Variants in PIK3CB observed in about 807,000 individuals in gnomAD.
PIK3CB encodes the protein phosphatidylinositol-4,5-bisphosphate 3-kinase catalytic subunit beta.
Under a neutral mutation model 136.8 loss-of-function variants are expected in PIK3CB, and 39 were observed. That is an observed-to-expected ratio of 0.29 (90% CI 0.22 to 0.37). The LOEUF is 0.37. Among genes scored for constraint, PIK3CB ranks in the 10% least tolerant of loss-of-function variants. PIK3CB has a pLI of 1.00. For missense variants in PIK3CB, 868 were observed against 1,275.4 expected (o/e 0.68, Z 4.87); for synonymous variants, 428 against 436.6 (o/e 0.98, Z 0.25).
intron 1 of PIK3CB, among the ~76,000 whole-genome samples, chr3:138,818,209 A>G (rs1933417466): frequency 6.6e-6 from 1 of 152,162 alleles, no homozygotes; most frequent in Non-Finnish European, 1.5e-5. Flanking sequence ...TCCTGACTTC[A>G]TGACTCCCTA....
chr3:138,708,119 C>T (rs1559831052), intron 10 of PIK3CB, among the ~76,000 whole-genome samples: 1 of 152,118 alleles, frequency 6.6e-6, no homozygotes, highest in African/African-American at 2.4e-5. Flanking sequence ...ATCAGCTCTA[C>T]TCTAATTAGG....
intron 1 of PIK3CB, among the ~76,000 whole-genome samples, chr3:138,821,446 G>C (rs894990245): frequency 1.3e-5 from 2 of 151,838 alleles, no homozygotes; most frequent in Non-Finnish European, 2.9e-5. Context: ...GACAATACTT[G>C]TGAGCAAAAT....
At chr3:138,803,669 T>C (rs1370782980) in intron 1 of PIK3CB, among the ~76,000 whole-genome samples, 1 of 152,122 alleles carries the variant, frequency 6.6e-6, no homozygotes, top group Non-Finnish European at 1.5e-5. Context: ...AAAGAAGCTC[T>C]TGGAAGAGGC....
intron 21 of PIK3CB, among the ~76,000 whole-genome samples, chr3:138,660,943 C>T (rs2043284800): frequency 6.6e-6 from 1 of 152,088 alleles, no homozygotes; most frequent in African/African-American, 2.4e-5. Context: ...GGTGGACTTC[C>T]TTGTATAGAA....
intron 2 of PIK3CB, among the ~76,000 whole-genome samples, chr3:138,765,460 C>T (rs1482720849): frequency 2.6e-5 from 4 of 151,960 alleles, no homozygotes; most frequent in African/African-American, 7.3e-5. Flanking sequence ...AAACAGCCTC[C>T]GCAAGTGATA....
At chr3:138,800,707 C>G (rs1343690676) in intron 1 of PIK3CB, among the ~76,000 whole-genome samples, 2 of 152,158 alleles carry the variant, frequency 1.3e-5, no homozygotes, top group African/African-American at 4.8e-5. Flanking sequence ...TCACTGCAAC[C>G]TCTATCTTCC....
intron 4 of PIK3CB, among the ~76,000 whole-genome samples, chr3:138,754,092 T>C (rs919203450): frequency 6.6e-6 from 1 of 152,210 alleles, no homozygotes; most frequent in South Asian, 2.1e-4. Context: ...TCCTCTTCCA[T>C]ATATTCTTCA....
chr3:138,666,449 C>CA (rs2043412583), intron 19 of PIK3CB, among the ~76,000 whole-genome samples: 1 of 152,190 alleles, frequency 6.6e-6, no homozygotes, highest in African/African-American at 2.4e-5. Context: ...GTTGGGATTA[C>CA]AGGCATGAAC....
chr3:138,811,881 G>A (rs780585017), intron 1 of PIK3CB, among the ~76,000 whole-genome samples: 1 of 152,032 alleles, frequency 6.6e-6, no homozygotes, highest in Admixed American at 6.6e-5. Flanking sequence ...TGGAGCCCAG[G>A]AGTTCAAGAC....
chr3:138,693,966 T>TATATATTA (rs1457395869), intron 14 of PIK3CB, among the ~76,000 whole-genome samples: 3 of 42,404 alleles, frequency 7.1e-5, no homozygotes, highest in Non-Finnish European at 7.2e-5. Flanking sequence ...TATATATATA[T>TATATATTA]TATATATATA....
chr3:138,699,598 C>T (rs1415430885), intron 12 of PIK3CB, among the ~76,000 whole-genome samples: 2 of 151,604 alleles, frequency 1.3e-5, no homozygotes, highest in Non-Finnish European at 2.9e-5. Flanking sequence ...AGTAAATACA[C>T]CAAAGTTAAC....
At chr3:138,733,546 A>C (rs1386023760) in intron 7 of PIK3CB, 108 bp from the exon 8 acceptor site, 1 of 577,268 alleles carries the variant, frequency 1.7e-6, no homozygotes, top group Non-Finnish European at 3.0e-6. Flanking sequence ...AAACTATGAA[A>C]ATAGAGCTCT....
At chr3:138,693,679 C>T (rs2044058203) in intron 14 of PIK3CB, among the ~76,000 whole-genome samples, 1 of 151,934 alleles carries the variant, frequency 6.6e-6, no homozygotes, top group Admixed American at 6.6e-5. Context: ...GGATTACAGG[C>T]ATAAGCCACC....
chr3:138,820,792 T>A (rs1933527782), intron 1 of PIK3CB, among the ~76,000 whole-genome samples: 1 of 152,140 alleles, frequency 6.6e-6, no homozygotes, highest in African/African-American at 2.4e-5. Flanking sequence ...CCGTGCCTGG[T>A]CCACTTTCTT....
intron 14 of PIK3CB, 49 bp from the exon 15 acceptor site, chr3:138,691,192 A>C: frequency 6.4e-7 from 1 of 1,553,016 alleles, no homozygotes; most frequent in Non-Finnish European, 8.8e-7. Flanking sequence ...CTGTGCCAGA[A>C]AAAGATCCCT....
At chr3:138,750,289 TTC>T (rs1197447909) in intron 4 of PIK3CB, among the ~76,000 whole-genome samples, 1 of 152,130 alleles carries the variant, frequency 6.6e-6, no homozygotes, top group Admixed American at 6.5e-5. Flanking sequence ...CATTTAAAAA[TTC>T]TCTCATAAAT....
chr3:138,744,073 G>A (rs1388282773), intron 4 of PIK3CB, among the ~76,000 whole-genome samples: 1 of 151,962 alleles, frequency 6.6e-6, no homozygotes, highest in Non-Finnish European at 1.5e-5. Context: ...ACAAAGAAGT[G>A]AAAATATATT....
chr3:138,820,563 A>T (rs908320105), intron 1 of PIK3CB, among the ~76,000 whole-genome samples: 1 of 152,100 alleles, frequency 6.6e-6, no homozygotes, highest in Non-Finnish European at 1.5e-5. Flanking sequence ...GTGCAATTTC[A>T]GCTCACTGCA....
chr3:138,786,741 T>A (rs1016767191), intron 2 of PIK3CB, among the ~76,000 whole-genome samples: 5 of 152,154 alleles, frequency 3.3e-5, no homozygotes, highest in African/African-American at 7.2e-5. Context: ...TAAAACTATT[T>A]AATAACATGT....
Sources: gnomAD v4.1 joint callset for allele counts (sites outside exome capture counted in the v4.1 genomes callset) on GRCh38, gnomAD v4.1.1 for gene constraint, MANE v1.5 for transcripts, NCBI Gene and HGNC (gene_info 2026-07-23, HGNC 2026-07-21) for gene names.